ATRX: variants seen among roughly 807,000 people sequenced by gnomAD.
ATRX encodes ATRX chromatin remodeler.
A neutral mutation model predicts 172.6 loss-of-function variants in ATRX; 12 were observed. The ratio of observed to expected loss-of-function variants is 0.07; its 90% CI spans 0.04 to 0.11. The LOEUF is 0.11. Among genes scored for constraint, ATRX ranks in the 10% least tolerant of loss-of-function variants. The pLI is 1.00. For missense variants in ATRX, 1,368 were observed against 1,767.4 expected, an observed-to-expected ratio of 0.77 and a Z score of 4.05; for synonymous variants, 674 against 594.7, an observed-to-expected ratio of 1.13 and a Z score of -1.94.
intron 1 of ATRX, among the ~76,000 whole-genome samples, chrX:77,724,666 C>T (rs1480264820): frequency 9.0e-6 from 1 of 111,543 alleles, no homozygotes; most frequent in African/African-American, 3.3e-5. Context: ...CTGAAGTAAT[C>T]CTGAAGATTT....
intron 28 of ATRX, among the ~76,000 whole-genome samples, chrX:77,559,467 T>C (rs1200737610): frequency 1.3e-5 from 1 of 75,084 alleles, no homozygotes; most frequent in Admixed American, 1.5e-4. Flanking sequence ...TTTTTTTTTT[T>C]TTTTTTTTTG....
intron 30 of ATRX, among the ~76,000 whole-genome samples, chrX:77,550,522 A>G (rs1272707412): frequency 3.6e-5 from 4 of 111,713 alleles, no homozygotes; most frequent in Non-Finnish European, 7.5e-5. Context: ...CTGAATGGGC[A>G]AAAACTGGAA....
Position 77,682,839 on chromosome X carries a change from T to C in ATRX, c.2417A>G (p.Lys806Arg), listed in dbSNP as rs2148598487. Reference sequence around the variant, plus strand: ...AGACTCAGACTGGGTTTGTCGTTTCTTTTTAGAAATTATAGAGCTCTTAGC... The same window carrying C: ...AGACTCAGACTGGGTTTGTCGTTTCCTTTTAGAAATTATAGAGCTCTTAGC... ...KSAKSSIISK[K>R]KRQTQSESSN... Residue 806 changes from lysine to arginine, a missense_variant, in exon 9 of 35, where the codon AAG (lysine) becomes AGG (arginine). This residue lies in a region of ATRX where 843 missense variants were observed against 643.1 expected (regional missense o/e 1.31). Transcript: ENST00000373344. 2 of 1,207,554 alleles carry C rather than the reference T, an allele frequency of 1.7e-6. No individual in the cohort carries two copies. The highest frequency in any genetic ancestry group is 1.8e-5 in the South Asian group (1 of 55,643).
At chrX:77,664,521 G>T in intron 11 of ATRX, 124 bp downstream of exon 11, 1 of 977,933 alleles carries the variant, frequency 1.0e-6, no homozygotes, top group Non-Finnish European at 1.4e-6. Context: ...AAAGTCCTGA[G>T]ATTATAGGCG....
At chrX:77,530,766 GCAAA>G (rs1462286703) in intron 30 of ATRX, among the ~76,000 whole-genome samples, 2 of 110,163 alleles carry the variant, frequency 1.8e-5, no homozygotes, top group Non-Finnish European at 3.8e-5. Flanking sequence ...CTGAGCTGAA[GCAAA>G]CAGAGACATG....
At chrX:77,654,736 A>G (rs782689726) in intron 13 of ATRX, among the ~76,000 whole-genome samples, 2 of 111,782 alleles carry the variant, frequency 1.8e-5, no homozygotes, top group Admixed American at 9.5e-5. Context: ...GCTGCTATGG[A>G]AACATTATGG....
chrX:77,708,561 C>G (rs1192669023), intron 2 of ATRX, among the ~76,000 whole-genome samples: 1 of 110,796 alleles, frequency 9.0e-6, no homozygotes, highest in African/African-American at 3.3e-5. Flanking sequence ...ACTTGGGAGG[C>G]CAAGGCACAA....
chrX:77,508,322 T>A lies in ATRX; in HGVS notation c.*29A>T. On this transcript the variant is annotated 3_prime_UTR_variant, in exon 35 of 35. Transcript: ENST00000373344. ...AAAATAAAAGATCTTTCTATGATTT[T>A]AACAATCCATTAAGCTTTTAGTGCA... 1 of 1,202,139 alleles carries A rather than the reference T, an allele frequency of 8.3e-7. No homozygotes were observed. The highest frequency in any genetic ancestry group is 1.1e-6 in the Non-Finnish European group (1 of 886,740).
chrX:77,554,265 G>A (rs1557057832), intron 30 of ATRX, among the ~76,000 whole-genome samples: 2 of 110,834 alleles, frequency 1.8e-5, no homozygotes, highest in Admixed American at 1.9e-4. Context: ...AGATCATGCC[G>A]CTGCACTCCA....
chrX:77,588,337 C>T (rs1173377687), intron 27 of ATRX, among the ~76,000 whole-genome samples: 2 of 112,235 alleles, frequency 1.8e-5, no homozygotes, highest in Non-Finnish European at 3.8e-5. Context: ...TAAGCAAACA[C>T]AGGGGTTAAA....
intron 19 of ATRX, among the ~76,000 whole-genome samples, chrX:77,629,370 C>T (rs2068010015): frequency 8.9e-6 from 1 of 112,073 alleles, no homozygotes; most frequent in Non-Finnish European, 1.9e-5. Context: ...TGAACAGATC[C>T]TGACACTTTA....
chrX:77,771,636 G>A (rs1020647651), intron 1 of ATRX, among the ~76,000 whole-genome samples: 3 of 109,509 alleles, frequency 2.7e-5, no homozygotes, highest in African/African-American at 1.0e-4. Flanking sequence ...AACTCTCTAA[G>A]GAAATTTTTT....
intron 15 of ATRX, among the ~76,000 whole-genome samples, chrX:77,643,262 A>AACACAC (rs370939089): frequency 3.7e-5 from 4 of 108,109 alleles, no homozygotes; most frequent in Admixed American, 3.0e-4. Flanking sequence ...ACAGCTTTAA[A>AACACAC]ACACACACAC....
At chrX:77,756,790 ATT>A (rs1200894988) in intron 1 of ATRX, among the ~76,000 whole-genome samples, 2 of 100,120 alleles carry the variant, frequency 2.0e-5, no homozygotes, top group African/African-American at 3.6e-5. Context: ...TTCAGCCATC[ATT>A]TTTTTTTTTT....
intron 2 of ATRX, among the ~76,000 whole-genome samples, chrX:77,716,128 T>TAAA (rs2073377889): frequency 5.0e-5 from 1 of 20,113 alleles, no homozygotes; most frequent in Non-Finnish European, 2.1e-4. Context: ...TTTTTTTTTT[T>TAAA]TTTTTTTTTT....
At chrX:77,664,543 G>T in intron 11 of ATRX, 102 bp downstream of exon 11, 1 of 1,101,305 alleles carries the variant, frequency 9.1e-7, no homozygotes, top group Non-Finnish European at 1.2e-6. Context: ...GAGCCACCAC[G>T]CCGGGCCATA....
chrX:77,544,375 C>T (rs782333078), intron 30 of ATRX, among the ~76,000 whole-genome samples: 1 of 111,010 alleles, frequency 9.0e-6, no homozygotes, highest in South Asian at 3.8e-4. Flanking sequence ...GGTCAGTACC[C>T]TTCCCCCTTC....
chrX:77,629,822 A>T (rs2068029130), intron 19 of ATRX, among the ~76,000 whole-genome samples: 1 of 112,145 alleles, frequency 8.9e-6, no homozygotes, highest in South Asian at 3.7e-4. Flanking sequence ...CTGACCACTT[A>T]CGTTCGACAT....
At chrX:77,519,156 C>A (rs1159203029) in intron 34 of ATRX, among the ~76,000 whole-genome samples, 1 of 111,276 alleles carries the variant, frequency 9.0e-6, no homozygotes, top group African/African-American at 3.3e-5. Flanking sequence ...AAACAGGATA[C>A]CACTAAGTTA....
Sources: gnomAD v4.1 joint callset for allele counts (sites outside exome capture counted in the v4.1 genomes callset) on GRCh38, gnomAD v4.1.1 for gene constraint, gnomAD v4.1.1 regional missense constraint, MANE v1.5 for transcripts, NCBI Gene and HGNC (gene_info 2026-07-23, HGNC 2026-07-21) for gene names.